Variants in PISD observed in about 807,000 individuals in gnomAD.
The protein encoded by PISD is phosphatidylserine decarboxylase.
In PISD, 31 loss-of-function variants were observed where a neutral mutation model predicts 43.5. The observed-to-expected ratio is 0.71, with a 90% CI of 0.54 to 0.96. The LOEUF (loss-of-function observed/expected upper bound fraction) is 0.96, where lower values mean the gene tolerates loss of function less well. PISD is among the 40% of genes least tolerant of loss of function. The pLI is 0.00. For synonymous variants in PISD, 259 were observed against 228.7 expected (o/e 1.13, Z -1.20); for missense variants, 523 against 548.4 (o/e 0.95, Z 0.46).
intron 3 of PISD, among the ~76,000 whole-genome samples, chr22:31,637,151 AAAAAAAAAAAAAAATATATAT>A (rs1269961972): frequency 1.7e-3 from 36 of 21,442 alleles, no homozygotes; most frequent in Non-Finnish European, 2.1e-3. Context: ...ATTAAAAAAA[AAAAAAAAAAAAAAATATATAT>A]ATATATATAT....
chr22:31,634,963 T>C (rs1285010378), intron 3 of PISD, among the ~76,000 whole-genome samples: 1 of 151,374 alleles, frequency 6.6e-6, no homozygotes, highest in Admixed American at 6.6e-5. Context: ...GGTCAAGAGT[T>C]CAAGACCAGC....
intron 3 of PISD, among the ~76,000 whole-genome samples, chr22:31,624,121 G>C (rs2072741878): frequency 6.6e-6 from 1 of 152,138 alleles, no homozygotes; most frequent in South Asian, 2.1e-4. Context: ...GGGAATGTGG[G>C]GGCAGCCGCA....
chr22:31,636,224 G>C (rs1378154349), intron 3 of PISD, among the ~76,000 whole-genome samples: 1 of 152,208 alleles, frequency 6.6e-6, no homozygotes, highest in Non-Finnish European at 1.5e-5. Context: ...AATGGTGGTA[G>C]ACCAGACAGG....
chr22:31,636,609 G>C (rs575232464), intron 3 of PISD, among the ~76,000 whole-genome samples: 2 of 148,516 alleles, frequency 1.3e-5, no homozygotes. Context: ...GCACGATCTC[G>C]GCTCACTGCA....
intron 3 of PISD, chr22:31,629,139 G>A (rs2073064923): frequency 2.0e-6 from 2 of 985,154 alleles, no homozygotes; most frequent in Non-Finnish European, 2.4e-6. Context: ...TGCCCCCCCA[G>A]TGGAATGGAA....
In PISD at chr22:31,619,738, G is replaced by A. The variant is rs372781513; in HGVS notation, c.1104C>T (p.Gly368=). The A allele has an allele frequency of 1.7e-5, 28 of 1,614,022 alleles. No individual in the cohort carries two copies. Among genetic ancestry groups the A allele is most frequent in the East Asian group, 1.1e-4 (5 of 44,896 alleles). Residue 368 remains glycine, a synonymous_variant, in exon 8 of 8, where the codon GGC becomes GGT. Transcript: ENST00000439502. ...TNREGVPMRK[G]EHLGEFNLGS... The stretch of plus-strand genomic sequence containing the variant: ...CCAGGTTGAACTCGCCCAGGTGCTC[G>A]CCCTTACGCATGGGGACGCCCTCTC...
At position 31,630,601 on chromosome 22, in the gene PISD, G is replaced by C. The variant is rs1369262689; in HGVS notation, c.322-8716C>G. ...GTGCCCACGTGGGGACGGAAAAAAA[G>C]CCCACGACTCGCTCAACCTTGTCCG... On this transcript the variant is annotated intron_variant, in intron 3 of 7. Transcript: ENST00000439502. The surrounding 1 kb of genome is among the most constrained non-coding windows in gnomAD (Gnocchi z 4.4). 2.1e-6 allele frequency: 1 copy of C among 480,204 alleles called. No individual in the cohort carries two copies. The highest frequency in any genetic ancestry group is 1.5e-4 in the East Asian group (1 of 6,598). The allele number at this position is 480,204 out of a possible 1,614,324, so 29.7% of individuals were successfully genotyped here.
intron 3 of PISD, among the ~76,000 whole-genome samples, chr22:31,631,889 C>T (rs1032669369): frequency 3.9e-5 from 6 of 152,198 alleles, no homozygotes; most frequent in Admixed American, 6.5e-5. Flanking sequence ...ACAATTCCAG[C>T]GGCTTCTCAC....
chr22:31,629,376 A>T lies in PISD; in HGVS notation c.322-7491T>A, dbSNP rs146609340. The stretch of plus-strand genomic sequence containing the variant: ...GTGAGGGTGTGTGTAGGGGGTGTGT[A>T]GGTGTGAGTGTGTTATGCGTATAGG... On this transcript the variant is annotated intron_variant, in intron 3 of 7. Transcript: ENST00000439502. 342 of 177,318 alleles carry T rather than the reference A, an allele frequency of 1.9e-3. 1 individual carries two copies. The highest frequency in any genetic ancestry group is 8.9e-3 in the African/African-American group (316 of 35,342). The allele number at this position is 177,318 out of a possible 1,614,324, so 11.0% of individuals were successfully genotyped here. A position where few individuals can be genotyped will look rare whatever the true frequency, so the allele number is the denominator to read the frequency against.
At chr22:31,633,966 C>G (rs2073315672) in intron 3 of PISD, among the ~76,000 whole-genome samples, 1 of 152,208 alleles carries the variant, frequency 6.6e-6, no homozygotes, top group Non-Finnish European at 1.5e-5. Context: ...ACGCCTCCCA[C>G]TCTGTTAGGA....
intron 3 of PISD, among the ~76,000 whole-genome samples, chr22:31,641,517 T>C (rs2073725478): frequency 6.6e-6 from 1 of 152,038 alleles, no homozygotes; most frequent in African/African-American, 2.4e-5. Context: ...AGGGAGACAT[T>C]TGAAACTTAG....
rs943469179 is a variant in PISD at position 31,650,572 on chromosome 22, C to G, written c.145+127G>C. 110 of 522,414 alleles carry G rather than the reference C, an allele frequency of 2.1e-4. 1 individual carries two copies. Among genetic ancestry groups the G allele is most frequent in the Middle Eastern group, 2.8e-4 (1 of 3,566 alleles). The allele number at this position is 522,414 out of a possible 1,614,324, so 32.4% of individuals were successfully genotyped here. A position where few individuals can be genotyped will look rare whatever the true frequency, so the allele number is the denominator to read the frequency against. On this transcript the variant is annotated intron_variant, in intron 2 of 7. Transcript: ENST00000439502. Reference sequence around the variant, plus strand: ...AGAAAACCTAACGCTTCAGTGATAACTGCATGCCAGGTACTTTCCACATAC... The same window carrying G: ...AGAAAACCTAACGCTTCAGTGATAAGTGCATGCCAGGTACTTTCCACATAC...
chr22:31,637,164 A>G (rs9306267), intron 3 of PISD, among the ~76,000 whole-genome samples: 1 of 13,652 alleles, frequency 7.3e-5, no homozygotes, highest in Non-Finnish European at 1.2e-4. Context: ...AAAAAAAAAA[A>G]ATATATATAT....
At chr22:31,661,987 A>G (rs904240778) in intron 1 of PISD, among the ~76,000 whole-genome samples, 157 bp downstream of exon 1, 5 of 152,150 alleles carry the variant, frequency 3.3e-5, no homozygotes, top group African/African-American at 1.2e-4. Context: ...CCTACGCAGG[A>G]GCAGTCGCAC....
At chr22:31,641,887 A>G (rs1465408720) in intron 3 of PISD, among the ~76,000 whole-genome samples, 1 of 151,114 alleles carries the variant, frequency 6.6e-6, no homozygotes, top group Non-Finnish European at 1.5e-5. Flanking sequence ...TACATTTAAT[A>G]TTTTCAGACT....
chr22:31,621,976 G>T, intron 3 of PISD, 91 bp from the exon 4 acceptor site: 1 of 975,588 alleles, frequency 1.0e-6, no homozygotes, highest in Non-Finnish European at 1.6e-6. Context: ...CTCACTTCAG[G>T]GGAGAATCTG....
intron 3 of PISD, chr22:31,626,197 G>A (rs1473288582): frequency 5.3e-5 from 19 of 359,264 alleles, no homozygotes; most frequent in Admixed American, 1.1e-4. Flanking sequence ...AGCTGGCCTG[G>A]GGAGGCAGTA....
chr22:31,656,151 C>A (rs2074166591), intron 1 of PISD, among the ~76,000 whole-genome samples: 1 of 151,744 alleles, frequency 6.6e-6, no homozygotes, highest in Admixed American at 6.6e-5. Context: ...AAAAACTAGC[C>A]AGCCAATATG....
intron 7 of PISD, 98 bp downstream of exon 7, chr22:31,620,455 T>C (rs1463412698): frequency 6.4e-6 from 8 of 1,244,116 alleles, no homozygotes; most frequent in Non-Finnish European, 9.1e-6. Context: ...GTGGCCTCCC[T>C]AGAATTCAGT....
Sources: allele counts gnomAD v4.1 joint callset (sites outside exome capture counted in the v4.1 genomes callset), GRCh38; gene constraint gnomAD v4.1.1; non-coding constraint Gnocchi (gnomAD v3.1); transcripts MANE v1.5; gene names NCBI Gene and HGNC (gene_info 2026-07-23, HGNC 2026-07-21).